CCNY: variants seen among roughly 807,000 people sequenced by gnomAD.
The protein encoded by CCNY is cyclin-Y.
CCNY carries 19 observed loss-of-function variants against 42.8 expected under a neutral mutation model. The ratio of observed to expected loss-of-function variants is 0.44; its 90% CI spans 0.31 to 0.65. CCNY has a LOEUF of 0.65. Among genes scored for constraint, CCNY ranks in the 30% least tolerant of loss-of-function variants. The pLI is 0.07. For missense variants in CCNY, 370 were observed against 437.3 expected, an observed-to-expected ratio of 0.85 and a Z score of 1.37; for synonymous variants, 165 against 162.7, an observed-to-expected ratio of 1.01 and a Z score of -0.11.
rs370357628 is a variant in CCNY at position 35,494,242 on chromosome 10, C to CT, written c.230-7259_230-7258insT. ...CTGGACAGCATAGTGAGACCCCCCC[C>CT]CCCATTTCTACAAAAAAATAAAGAT... On this transcript the variant is annotated intron_variant, in intron 2 of 9. Transcript: ENST00000374704. 7.1e-5 allele frequency among the ~76,000 whole-genome samples: 10 copies of CT among 140,742 alleles called. 1 individual carries two copies. Among genetic ancestry groups the CT allele is most frequent in the Admixed American group, 6.9e-5 (1 of 14,534 alleles). 92.3% of individuals were successfully genotyped at this position (140,742 alleles called of 152,430 possible). A position where few individuals can be genotyped will look rare whatever the true frequency, so the allele number is the denominator to read the frequency against.
At chr10:35,434,609 T>G (rs1383325248) in intron 1 of CCNY, among the ~76,000 whole-genome samples, 2 of 152,258 alleles carry the variant, frequency 1.3e-5, no homozygotes, top group Non-Finnish European at 2.9e-5. Context: ...TGTCAAACAC[T>G]TTTTACAAAA....
chr10:35,473,695 T>G (rs539677204), intron 1 of CCNY, among the ~76,000 whole-genome samples: 1 of 152,350 alleles, frequency 6.6e-6, no homozygotes, highest in South Asian at 2.1e-4. Flanking sequence ...GTATTTTGTC[T>G]ATAATCTCTA....
chr10:35,446,096 A>G (rs1008275811), intron 1 of CCNY, among the ~76,000 whole-genome samples: 9 of 152,220 alleles, frequency 5.9e-5, no homozygotes, highest in African/African-American at 2.2e-4. Flanking sequence ...AGGATTAAAC[A>G]CAGGAAATTT....
chr10:35,290,258 A>ACG (rs1386263116), intron 3 of CCNY, among the ~76,000 whole-genome samples: 2 of 150,854 alleles, frequency 1.3e-5, no homozygotes, highest in Non-Finnish European at 3.0e-5. Flanking sequence ...ACACACACAC[A>ACG]CACACAAAAT....
At chr10:35,564,952 AG>A (rs1269008028) in intron 8 of CCNY, among the ~76,000 whole-genome samples, 3 of 152,144 alleles carry the variant, frequency 2.0e-5, no homozygotes. Context: ...GGGCAAGGAC[AG>A]GAGGTTTCCT....
chr10:35,509,256 G>T (rs1202021397), intron 3 of CCNY, among the ~76,000 whole-genome samples: 1 of 152,074 alleles, frequency 6.6e-6, no homozygotes, highest in Non-Finnish European at 1.5e-5. Context: ...AATTGATCCT[G>T]CTAAAAGCTG....
chr10:35,402,031 T>C (rs1265878269), intron 1 of CCNY, among the ~76,000 whole-genome samples: 1 of 152,202 alleles, frequency 6.6e-6, no homozygotes, highest in East Asian at 1.9e-4. Context: ...CCTGTCTTCT[T>C]ATATTAATAA....
intron 2 of CCNY, among the ~76,000 whole-genome samples, chr10:35,484,254 T>C (rs1394498049): frequency 1.3e-5 from 2 of 152,230 alleles, no homozygotes; most frequent in African/African-American, 4.8e-5. Context: ...GGGCAATTGC[T>C]AAGCTTTAAT....
chr10:35,420,249 T>A (rs1020551993), intron 1 of CCNY, among the ~76,000 whole-genome samples: 1 of 152,226 alleles, frequency 6.6e-6, no homozygotes, highest in African/African-American at 2.4e-5. Context: ...GAATGAATCA[T>A]GTCTTGCTCT....
chr10:35,393,587 T>C (rs1465600512), intron 1 of CCNY, among the ~76,000 whole-genome samples: 1 of 152,210 alleles, frequency 6.6e-6, no homozygotes, highest in African/African-American at 2.4e-5. Flanking sequence ...TTGCCTCCCT[T>C]GTGTTTTTCC....
chr10:35,382,920 C>T (rs564670313), intron 1 of CCNY, among the ~76,000 whole-genome samples: 4 of 152,306 alleles, frequency 2.6e-5, no homozygotes, highest in East Asian at 3.9e-4. Context: ...GTGATATACT[C>T]ATGACCAGTA....
rs541816596 is a variant in CCNY at position 35,412,486 on chromosome 10, G to A, written c.155-70918G>A. On this transcript the variant is annotated intron_variant, in intron 1 of 9. Transcript: ENST00000374704. ...TGCAGAGAAGAGGGTGGGAAGGGCTGGCAGCAGGGAAGTATGAGGTCAGTG... is the reference window on the plus strand; with the variant it reads ...TGCAGAGAAGAGGGTGGGAAGGGCTAGCAGCAGGGAAGTATGAGGTCAGTG... Among the ~76,000 whole-genome samples the A allele has an allele frequency of 9.9e-5, 15 of 152,118 alleles. No individual in the cohort carries two copies. The East Asian group carries it at 2.9e-3, about 29-fold the overall frequency.
At chr10:35,549,109 C>CT (rs1189214791) in intron 7 of CCNY, among the ~76,000 whole-genome samples, 1 of 146,176 alleles carries the variant, frequency 6.8e-6, no homozygotes, top group African/African-American at 2.6e-5. Flanking sequence ...CCCCACCCCC[C>CT]CCCGCCCCTC....
intron 7 of CCNY, among the ~76,000 whole-genome samples, chr10:35,551,187 C>T (rs1374882697): frequency 6.6e-6 from 1 of 152,134 alleles, no homozygotes; most frequent in Non-Finnish European, 1.5e-5. Flanking sequence ...CGTAAGAGAC[C>T]TCTCCCAATC....
At chr10:35,511,873 G>A (rs1840331716) in intron 3 of CCNY, among the ~76,000 whole-genome samples, 1 of 152,150 alleles carries the variant, frequency 6.6e-6, no homozygotes, top group South Asian at 2.1e-4. Flanking sequence ...GTTGACTCGT[G>A]TGTCTCTCCC....
intron 1 of CCNY, among the ~76,000 whole-genome samples, chr10:35,482,673 T>C (rs566668711): frequency 9.9e-5 from 15 of 151,956 alleles, no homozygotes; most frequent in Non-Finnish European, 1.9e-4. Flanking sequence ...GCTGCTTGGC[T>C]TCAGCCAGTT....
chr10:35,444,667 A>G (rs1336346025), intron 1 of CCNY, among the ~76,000 whole-genome samples: 1 of 152,030 alleles, frequency 6.6e-6, no homozygotes, highest in African/African-American at 2.4e-5. Context: ...CAGCTCCATC[A>G]TAAGCTCAAG....
intron 1 of CCNY, among the ~76,000 whole-genome samples, chr10:35,372,838 T>TA (rs750428158): frequency 8.6e-4 from 131 of 152,328 alleles, no homozygotes; most frequent in Non-Finnish European, 1.5e-3. Context: ...CAGCTGGCGT[T>TA]ACAGGCGCCT....
intron 3 of CCNY, among the ~76,000 whole-genome samples, chr10:35,291,574 C>A (rs972198272): frequency 7.4e-6 from 1 of 135,054 alleles, no homozygotes; most frequent in South Asian, 2.5e-4. Flanking sequence ...CTCTGTAACT[C>A]AGGCTGGAGT....
Sources: gnomAD v4.1 joint callset for allele counts (sites outside exome capture counted in the v4.1 genomes callset) on GRCh38, gnomAD v4.1.1 for gene constraint, MANE v1.5 for transcripts, NCBI Gene and HGNC (gene_info 2026-07-23, HGNC 2026-07-21) for gene names.